The following NRG3 variants were observed in gnomAD, a reference collection of about 807,000 sequenced individuals.
The protein encoded by NRG3 is neuregulin 3, also known as pro-neuregulin-3, membrane-bound isoform.
NRG3 carries 31 observed loss-of-function variants against 66.9 expected under a neutral mutation model. The ratio of observed to expected loss-of-function variants is 0.46; its 90% CI spans 0.35 to 0.63. NRG3 has a LOEUF of 0.63. NRG3 is among the 20% of genes least tolerant of loss of function. The pLI, the probability that NRG3 is intolerant of heterozygous loss-of-function variation, is 0.00. For synonymous variants in NRG3, 393 were observed against 359.4 expected, an observed-to-expected ratio of 1.09 and a Z score of -1.06; for missense variants, 910 against 878.9, an observed-to-expected ratio of 1.04 and a Z score of -0.45.
intron 2 of NRG3, among the ~76,000 whole-genome samples, chr10:82,627,316 C>A (rs577724507): frequency 6.6e-5 from 10 of 152,134 alleles, no homozygotes; most frequent in African/African-American, 2.4e-4. Context: ...ATCCTCCATG[C>A]CCAGTAGTAA....
At chr10:82,882,980 CT>C (rs1204575502) in intron 4 of NRG3, among the ~76,000 whole-genome samples, 2 of 152,192 alleles carry the variant, frequency 1.3e-5, no homozygotes, top group Non-Finnish European at 2.9e-5. Context: ...TCATACCTCT[CT>C]CACAGGAATG....
chr10:82,963,439 G>A (rs975589481), intron 6 of NRG3, among the ~76,000 whole-genome samples: 2 of 152,202 alleles, frequency 1.3e-5, no homozygotes, highest in Non-Finnish European at 2.9e-5. Context: ...CCAGCACTTT[G>A]GGAGGCCGAG....
At chr10:82,613,637 A>G (rs2048450052) in intron 2 of NRG3, among the ~76,000 whole-genome samples, 1 of 151,896 alleles carries the variant, frequency 6.6e-6, no homozygotes, top group Non-Finnish European at 1.5e-5. Flanking sequence ...TGATATTTTC[A>G]TAGTTTAACT....
chr10:82,448,074 A>C (rs915688434), intron 2 of NRG3, among the ~76,000 whole-genome samples: 1 of 152,220 alleles, frequency 6.6e-6, no homozygotes, highest in African/African-American at 2.4e-5. Flanking sequence ...AAAATTATCT[A>C]GTTTCCCCAA....
At chr10:82,501,148 G>T (rs2132342557) in intron 2 of NRG3, among the ~76,000 whole-genome samples, 1 of 152,228 alleles carries the variant, frequency 6.6e-6, no homozygotes, top group East Asian at 1.9e-4. Context: ...GCTGGAGGCA[G>T]ATTTGGAAGA....
intron 2 of NRG3, among the ~76,000 whole-genome samples, chr10:82,574,107 A>T (rs1312065716): frequency 6.6e-6 from 1 of 151,834 alleles, no homozygotes; most frequent in Non-Finnish European, 1.5e-5. Context: ...AGCACTATTC[A>T]CAACAGCCAA....
chr10:82,115,976 G>A (rs2067686512), intron 1 of NRG3, among the ~76,000 whole-genome samples: 2 of 152,078 alleles, frequency 1.3e-5, no homozygotes, highest in Admixed American at 6.6e-5. Flanking sequence ...CTCCTAAGAA[G>A]CTCTGACTTT....
At chr10:82,107,755 A>G (rs995411503) in intron 1 of NRG3, among the ~76,000 whole-genome samples, 5 of 152,336 alleles carry the variant, frequency 3.3e-5, no homozygotes, top group South Asian at 2.1e-4. Flanking sequence ...TCTTTGTTGA[A>G]TGAATGAGTG....
At chr10:82,344,691 G>A (rs2082889302) in intron 1 of NRG3, among the ~76,000 whole-genome samples, 2 of 123,730 alleles carry the variant, frequency 1.6e-5, no homozygotes, top group African/African-American at 4.5e-5. Flanking sequence ...CAGTGTAAAA[G>A]TGTTCCTATT....
chr10:81,908,690 A>G (rs1844830372), intron 1 of NRG3, among the ~76,000 whole-genome samples: 1 of 152,148 alleles, frequency 6.6e-6, no homozygotes, highest in African/African-American at 2.4e-5. Context: ...CAGTCTCGAA[A>G]TAGAAGTTTG....
intron 2 of NRG3, among the ~76,000 whole-genome samples, chr10:82,714,161 T>C (rs1488686593): frequency 6.6e-6 from 1 of 152,256 alleles, no homozygotes; most frequent in Non-Finnish European, 1.5e-5. Context: ...TTTTGACATA[T>C]ACATGCAATA....
intron 1 of NRG3, among the ~76,000 whole-genome samples, chr10:82,097,739 CA>C (rs1009651213): frequency 6.6e-6 from 1 of 151,972 alleles, no homozygotes; most frequent in African/African-American, 2.4e-5. Flanking sequence ...TGTTGTGCCA[CA>C]TTCCTGACAG....
At chr10:82,631,422 T>C (rs879933204) in intron 2 of NRG3, among the ~76,000 whole-genome samples, 1 of 152,114 alleles carries the variant, frequency 6.6e-6, no homozygotes, top group Non-Finnish European at 1.5e-5. Flanking sequence ...TGAGAACCCT[T>C]GGGTCTAGTT....
intron 2 of NRG3, among the ~76,000 whole-genome samples, chr10:82,516,469 G>A: frequency 6.6e-6 from 1 of 152,072 alleles, no homozygotes; most frequent in East Asian, 1.9e-4. Context: ...TGAACTGGGA[G>A]CCATTTCAAA....
At chr10:82,447,443 AAAT>A (rs2090790488) in intron 2 of NRG3, among the ~76,000 whole-genome samples, 1 of 152,166 alleles carries the variant, frequency 6.6e-6, no homozygotes, top group African/African-American at 2.4e-5. Context: ...ATAAGAAAAA[AAAT>A]TATCATTGAA....
At chr10:82,726,376 G>T (rs1299735221) in intron 2 of NRG3, among the ~76,000 whole-genome samples, 1 of 152,108 alleles carries the variant, frequency 6.6e-6, no homozygotes, top group East Asian at 1.9e-4. Context: ...TAATTCCCAT[G>T]TCATGGGAGG....
intron 2 of NRG3, among the ~76,000 whole-genome samples, chr10:82,561,485 C>T (rs1328318181): frequency 6.6e-6 from 1 of 152,122 alleles, no homozygotes; most frequent in African/African-American, 2.4e-5. Context: ...AACCTCGCCT[C>T]TACCAAAAAT....
intron 2 of NRG3, among the ~76,000 whole-genome samples, chr10:82,415,511 T>G (rs2088487728): frequency 6.6e-6 from 1 of 152,078 alleles, no homozygotes; most frequent in Non-Finnish European, 1.5e-5. Context: ...ATTTAGAAAA[T>G]TGTCAGTGGG....
Position 82,468,816 on chromosome 10 carries a change from G to A in NRG3, c.953+109948G>A, listed in dbSNP as rs545169434. Among the ~76,000 whole-genome samples, 3 of 152,186 alleles carry A rather than the reference G, an allele frequency of 2.0e-5. No individual in the cohort carries two copies. In the South Asian group the frequency reaches 6.2e-4, roughly 32 times the overall value. On this transcript the variant is annotated intron_variant, in intron 2 of 8. Coordinates refer to ENST00000372141, the MANE Select transcript of NRG3 (RefSeq NM_001010848.4). Reference sequence around the variant, plus strand: ...TTCCTGTTATTTTGGTGGTCATGGGGAAGGATGGGGAGTGATATTGAGAGG... The same window carrying A: ...TTCCTGTTATTTTGGTGGTCATGGGAAAGGATGGGGAGTGATATTGAGAGG...
Sources: allele counts gnomAD v4.1 joint callset (sites outside exome capture counted in the v4.1 genomes callset), GRCh38; gene constraint gnomAD v4.1.1; transcripts MANE v1.5; gene names NCBI Gene and HGNC (gene_info 2026-07-23, HGNC 2026-07-21).